LSAMP: variants seen among roughly 807,000 people sequenced by gnomAD.
The protein encoded by LSAMP is limbic system associated membrane protein, also known as limbic system-associated membrane protein.
LSAMP carries 7 observed loss-of-function variants against 38.6 expected under a neutral mutation model. That is an observed-to-expected ratio of 0.18 (90% CI 0.10 to 0.34). The LOEUF (loss-of-function observed/expected upper bound fraction) is 0.34. LSAMP is among the 10% of genes least tolerant of loss of function. LSAMP has a pLI of 1.00. For missense variants in LSAMP, 313 were observed against 420.0 expected (o/e 0.75, Z 2.23); for synonymous variants, 154 against 166.8 (o/e 0.92, Z 0.59).
At chr3:116,204,096 A>G (rs907564994) in intron 1 of LSAMP, among the ~76,000 whole-genome samples, 2 of 152,032 alleles carry the variant, frequency 1.3e-5, no homozygotes, top group Non-Finnish European at 2.9e-5. Context: ...TGCCATTCTA[A>G]CTGGTGTGAG....
chr3:116,442,948 G>A (rs2049457333), intron 1 of LSAMP, among the ~76,000 whole-genome samples: 1 of 152,178 alleles, frequency 6.6e-6, no homozygotes, highest in South Asian at 2.1e-4. Context: ...TTATTCTTCT[G>A]AATTAACATT....
chr3:115,864,754 A>G (rs918121706), intron 3 of LSAMP, among the ~76,000 whole-genome samples: 1 of 152,124 alleles, frequency 6.6e-6, no homozygotes, highest in African/African-American at 2.4e-5. Flanking sequence ...GATTTTCATG[A>G]AAGTGTATGA....
At chr3:115,843,019 G>A (rs147232552) in intron 4 of LSAMP, among the ~76,000 whole-genome samples, 1 of 152,206 alleles carries the variant, frequency 6.6e-6, no homozygotes, top group Non-Finnish European at 1.5e-5. Context: ...GCCTTGAGGA[G>A]TCTGATGAAA....
At chr3:115,842,369 A>G (rs1559846311) in intron 5 of LSAMP, 89 bp downstream of exon 5, 3 of 1,493,916 alleles carry the variant, frequency 2.0e-6, no homozygotes, top group Non-Finnish European at 1.8e-6. Context: ...CATAATTACA[A>G]CTGGCTTGGC....
At chr3:115,832,299 A>G (rs965136441) in intron 6 of LSAMP, among the ~76,000 whole-genome samples, 1 of 152,230 alleles carries the variant, frequency 6.6e-6, no homozygotes, top group African/African-American at 2.4e-5. Context: ...AAAACACCTT[A>G]ACAAAATTAA....
At chr3:116,237,260 G>GTAC (rs1334655214) in intron 1 of LSAMP, among the ~76,000 whole-genome samples, 1 of 152,112 alleles carries the variant, frequency 6.6e-6, no homozygotes, top group Non-Finnish European at 1.5e-5. Context: ...AACCCTATAA[G>GTAC]TACTGTGTTC....
chr3:116,356,329 G>T (rs1190276353), intron 1 of LSAMP, among the ~76,000 whole-genome samples: 3 of 152,118 alleles, frequency 2.0e-5, no homozygotes, highest in Admixed American at 2.0e-4. Flanking sequence ...GGCACAGAAA[G>T]AAAAACTTCA....
intron 3 of LSAMP, among the ~76,000 whole-genome samples, chr3:115,989,041 A>G (rs1939593385): frequency 6.6e-6 from 1 of 152,180 alleles, no homozygotes; most frequent in Non-Finnish European, 1.5e-5. Context: ...TTCATTTCTT[A>G]AAGGGCATTC....
intron 6 of LSAMP, among the ~76,000 whole-genome samples, chr3:115,826,198 T>A (rs949499312): frequency 2.0e-5 from 3 of 152,120 alleles, no homozygotes; most frequent in Non-Finnish European, 2.9e-5. Flanking sequence ...CACTGCAAGC[T>A]CTGCCTCCTG....
intron 1 of LSAMP, among the ~76,000 whole-genome samples, chr3:116,114,800 T>C (rs1708706440): frequency 2.0e-5 from 3 of 152,234 alleles, no homozygotes; most frequent in Admixed American, 2.0e-4. Context: ...CATTCCTCCA[T>C]GTAAGTCATA....
intron 1 of LSAMP, among the ~76,000 whole-genome samples, chr3:116,351,691 C>G (rs1299237884): frequency 6.6e-6 from 1 of 152,046 alleles, no homozygotes; most frequent in Non-Finnish European, 1.5e-5. Context: ...GCCCTAGAAA[C>G]TGTTGTCTGT....
intron 3 of LSAMP, among the ~76,000 whole-genome samples, chr3:115,896,518 G>T (rs186193794): frequency 6.6e-6 from 1 of 152,144 alleles, no homozygotes; most frequent in East Asian, 1.9e-4. Flanking sequence ...TGCAAGGCAG[G>T]TGATTCTGGA....
In LSAMP at chr3:116,106,432, A is replaced by C. The variant is rs143329694; in HGVS notation, c.156-19876T>G. Reference sequence around the variant, plus strand: ...ATGAGACTGGGGCCTAATAAAAAGGAGTGTCTATACAGCAGCTCAAATGGG... The same window carrying C: ...ATGAGACTGGGGCCTAATAAAAAGGCGTGTCTATACAGCAGCTCAAATGGG... On this transcript the variant is annotated intron_variant, in intron 1 of 6. Coordinates refer to ENST00000490035, the MANE Select transcript of LSAMP (RefSeq NM_002338.5). Among the ~76,000 whole-genome samples, 410 of 152,258 alleles carry C rather than the reference A, an allele frequency of 2.7e-3. 2 individuals carry two copies. The highest frequency in any genetic ancestry group is 9.4e-3 in the African/African-American group (392 of 41,544).
intron 3 of LSAMP, among the ~76,000 whole-genome samples, chr3:115,995,650 G>A (rs1939794872): frequency 6.6e-6 from 1 of 152,010 alleles, no homozygotes; most frequent in Non-Finnish European, 1.5e-5. Context: ...ACTTAAGGAG[G>A]TGGAGAGAAA....
chr3:115,930,002 G>GTTGTTTT (rs1937554802), intron 3 of LSAMP, among the ~76,000 whole-genome samples: 1 of 80,292 alleles, frequency 1.2e-5, no homozygotes, highest in Admixed American at 2.1e-4. Context: ...TTTAGCAGAA[G>GTTGTTTT]TTTTTTTTTT....
intron 2 of LSAMP, among the ~76,000 whole-genome samples, chr3:116,042,277 A>G (rs1941191205): frequency 1.3e-5 from 2 of 152,176 alleles, no homozygotes; most frequent in African/African-American, 4.8e-5. Context: ...CCTCTGTCCT[A>G]CTGTAGGAGC....
intron 3 of LSAMP, among the ~76,000 whole-genome samples, chr3:115,861,674 A>C (rs1343359347): frequency 6.6e-6 from 1 of 152,182 alleles, no homozygotes; most frequent in Non-Finnish European, 1.5e-5. Flanking sequence ...ATGCAGGTGG[A>C]ATCACTTGGC....
chr3:116,319,281 T>C (rs2047675602), intron 1 of LSAMP, among the ~76,000 whole-genome samples: 1 of 152,244 alleles, frequency 6.6e-6, no homozygotes, highest in African/African-American at 2.4e-5. Context: ...TGGGTATACA[T>C]ATTCCCAGTT....
intron 1 of LSAMP, among the ~76,000 whole-genome samples, chr3:116,110,489 T>C (rs1708580753): frequency 6.6e-6 from 1 of 152,190 alleles, no homozygotes; most frequent in Non-Finnish European, 1.5e-5. Flanking sequence ...CGCCGGAGTT[T>C]TGGGTCCACG....
Sources: gnomAD v4.1 joint callset for allele counts (sites outside exome capture counted in the v4.1 genomes callset) on GRCh38, gnomAD v4.1.1 for gene constraint, MANE v1.5 for transcripts, NCBI Gene and HGNC (gene_info 2026-07-23, HGNC 2026-07-21) for gene names.